The following MAD1L1 variants were observed in gnomAD, a reference collection of about 807,000 sequenced individuals.
The protein encoded by MAD1L1 is mitotic arrest deficient 1 like 1, also known as mitotic spindle assembly checkpoint protein MAD1.
MAD1L1 carries 95 observed loss-of-function variants against 96.9 expected under a neutral mutation model. That is an observed-to-expected ratio of 0.98 (90% confidence interval 0.83 to 1.16). The LOEUF (loss-of-function observed/expected upper bound fraction) is 1.16, where lower values mean the gene tolerates loss of function less well. Ranked by LOEUF, MAD1L1 falls within the 50% of genes most tolerant of loss-of-function variation. The pLI is 0.00. For missense variants in MAD1L1, 1,007 were observed against 954.4 expected, an observed-to-expected ratio of 1.06 and a Z score of -0.73; for synonymous variants, 473 against 396.6, an observed-to-expected ratio of 1.19 and a Z score of -2.29.
chr7:2,060,891 G>A (rs191388658), intron 12 of MAD1L1, among the ~76,000 whole-genome samples: 17 of 152,362 alleles, frequency 1.1e-4, no homozygotes, highest in African/African-American at 2.6e-4. Context: ...ATCAGCAAAC[G>A]TCGGTGAGCT....
At chr7:1,963,838 C>T (rs1016783512) in intron 15 of MAD1L1, among the ~76,000 whole-genome samples, 1 of 152,198 alleles carries the variant, frequency 6.6e-6, no homozygotes, top group Non-Finnish European at 1.5e-5. Context: ...CAGGGAGCGC[C>T]GGCAGGGGAG....
chr7:1,845,047 G>A (rs1474139603), intron 18 of MAD1L1, among the ~76,000 whole-genome samples: 1 of 152,234 alleles, frequency 6.6e-6, no homozygotes, highest in Non-Finnish European at 1.5e-5. Context: ...GTGCAGCCAA[G>A]GCCCCACCTG....
chr7:1,841,307 G>A (rs1164994236), intron 18 of MAD1L1, among the ~76,000 whole-genome samples: 3 of 152,250 alleles, frequency 2.0e-5, no homozygotes, highest in African/African-American at 4.8e-5. Context: ...TCCGCGTCTC[G>A]CCCGGCTGCA....
chr7:1,854,264 C>T (rs1784127678), intron 18 of MAD1L1: 2 of 392,318 alleles, frequency 5.1e-6, no homozygotes, highest in Non-Finnish European at 1.0e-5. Context: ...ACTGAGCCCG[C>T]TGGGGCTGGG....
At chr7:2,074,559 C>A (rs1187983504) in intron 11 of MAD1L1, among the ~76,000 whole-genome samples, 2 of 152,360 alleles carry the variant, frequency 1.3e-5, no homozygotes, top group East Asian at 3.9e-4. Context: ...GCTACGGAAT[C>A]TGCAGGCTGG....
intron 18 of MAD1L1, among the ~76,000 whole-genome samples, chr7:1,882,833 G>A (rs1785769650): frequency 6.6e-6 from 1 of 152,244 alleles, no homozygotes; most frequent in African/African-American, 2.4e-5. Context: ...TCGGTGCTGA[G>A]GTGAGAAGGC....
chr7:1,844,490 G>A (rs1301874001), intron 18 of MAD1L1, among the ~76,000 whole-genome samples: 1 of 152,176 alleles, frequency 6.6e-6, no homozygotes, highest in Non-Finnish European at 1.5e-5. Flanking sequence ...CCCCGCTGAA[G>A]GAGCTTGACA....
rs1363964150 is a variant in MAD1L1 at position 2,215,886 on chromosome 7, T to C, written c.923A>G (p.Glu308Gly). The change falls in exon 9 of 19, where the codon GAG becomes GGG. Residue 308 changes from glutamate to glycine, a missense_variant and splice_region_variant. Physicochemically the swap from Glu to Gly is moderately conservative, Grantham distance 98. Transcript: ENST00000265854. The part of the protein sequence containing the change: ...ETLVGLELEN[E>G]RLLAKLQSWE... ...ACCGCACACCACACAGGCCCTCACC[T>C]CGTTCTCCAGCTCCAAGCCAACCAG... 3 of 1,613,890 alleles carry C rather than the reference T, an allele frequency of 1.9e-6. No homozygotes were observed. The Admixed American group carries it at 5.0e-5, about 27-fold the overall frequency.
At chr7:2,169,171 C>T (rs570919379) in intron 10 of MAD1L1, among the ~76,000 whole-genome samples, 5 of 152,272 alleles carry the variant, frequency 3.3e-5, no homozygotes, top group East Asian at 1.9e-4. Flanking sequence ...GGACCTATGA[C>T]GCAAACGCAG....
At chr7:1,852,230 A>ACT (rs1001362358) in intron 18 of MAD1L1, among the ~76,000 whole-genome samples, 4 of 152,206 alleles carry the variant, frequency 2.6e-5, no homozygotes, top group Non-Finnish European at 4.4e-5. Context: ...TGACCTGGCG[A>ACT]GAGGCACCGT....
At chr7:1,938,328 C>T (rs1178894752) in intron 16 of MAD1L1, among the ~76,000 whole-genome samples, 2 of 152,202 alleles carry the variant, frequency 1.3e-5, no homozygotes, top group African/African-American at 4.8e-5. Context: ...TCACATCACA[C>T]ACAAACATCA....
At chr7:2,210,450 T>TGCGGCATGAG (rs1562375185) in intron 10 of MAD1L1, among the ~76,000 whole-genome samples, 5 of 134,836 alleles carry the variant, frequency 3.7e-5, no homozygotes, top group Non-Finnish European at 6.6e-5. Context: ...TCCCGTGGAC[T>TGCGGCATGAG]CTCTAGGAGC....
chr7:1,941,097 C>G (rs1436248480), intron 16 of MAD1L1, among the ~76,000 whole-genome samples: 1 of 151,172 alleles, frequency 6.6e-6, no homozygotes, highest in Admixed American at 6.6e-5. Flanking sequence ...CCCAGCAAGG[C>G]CTCGCCTGGC....
intron 12 of MAD1L1, among the ~76,000 whole-genome samples, chr7:2,057,871 G>A (rs897485832): frequency 1.3e-5 from 2 of 152,200 alleles, no homozygotes; most frequent in South Asian, 2.1e-4. Flanking sequence ...TTACCAAAGC[G>A]CCCGTCACAG....
At chr7:2,225,918 G>C (rs575382831) in intron 3 of MAD1L1, among the ~76,000 whole-genome samples, 2 of 152,326 alleles carry the variant, frequency 1.3e-5, no homozygotes, top group African/African-American at 4.8e-5. Context: ...AGTCGGCCAG[G>C]ACATGTTCTC....
rs141304045 is a variant in MAD1L1, at chr7:2,093,151, G to A, written c.1074-23813C>T. ...CCCCAGCTACTCGGGAGACTGAGGC[G>A]GAAGAATCGCTTAAACCCAGGAGGC... On this transcript the variant is annotated intron_variant, in intron 11 of 18. Transcript: ENST00000265854. Among the ~76,000 whole-genome samples, 1,063 of 150,452 alleles carry A rather than the reference G, an allele frequency of 7.1e-3. 13 individuals are homozygous for A. Among genetic ancestry groups the A allele is most frequent in the African/African-American group, 0.025 (1,001 of 40,802 alleles).
At chr7:1,829,199 C>T (rs938894665) in intron 18 of MAD1L1, among the ~76,000 whole-genome samples, 1 of 152,236 alleles carries the variant, frequency 6.6e-6, no homozygotes, top group African/African-American at 2.4e-5. Flanking sequence ...ATGGTCCCCA[C>T]CTCCAGGCAC....
At chr7:2,218,195 C>CG in intron 6 of MAD1L1, 152 bp from the exon 7 acceptor site, 1 of 631,180 alleles carries the variant, frequency 1.6e-6, no homozygotes, top group Admixed American at 2.3e-5. Flanking sequence ...CCCCGCCCCC[C>CG]GCCAACACAC....
chr7:2,174,754 G>C (rs1012078603), intron 10 of MAD1L1, among the ~76,000 whole-genome samples: 4 of 152,030 alleles, frequency 2.6e-5, no homozygotes. Flanking sequence ...ATCTTCTCTT[G>C]TTAAAATAAC....
Sources: allele counts gnomAD v4.1 joint callset (sites outside exome capture counted in the v4.1 genomes callset), GRCh38; gene constraint gnomAD v4.1.1; transcripts MANE v1.5; gene names NCBI Gene and HGNC (gene_info 2026-07-23, HGNC 2026-07-21).